The following HEXIM2 variants were observed in gnomAD, a reference collection of about 807,000 sequenced individuals.
The protein encoded by HEXIM2 is HEXIM P-TEFb complex subunit 2.
For missense variants in HEXIM2, 413 were observed against 390.8 expected (o/e 1.06, Z -0.48); for synonymous variants, 159 against 162.7 (o/e 0.98, Z 0.17).
intron 1 of HEXIM2, 127 bp from the exon 2 acceptor site, chr17:45,162,361 G>T: frequency 3.3e-6 from 2 of 608,344 alleles, no homozygotes; most frequent in South Asian, 4.4e-5. Flanking sequence ...ATGTTCTCCC[G>T]TGGCAGCAGC....
chr17:45,167,024 CAAAAAAA>C (rs58258565), intron 3 of HEXIM2, among the ~76,000 whole-genome samples: 5 of 67,912 alleles, frequency 7.4e-5, no homozygotes, highest in South Asian at 1.0e-3. Flanking sequence ...GACTCTGTCT[CAAAAAAA>C]AAAAAAAAAA....
At chr17:45,160,436 A>G (rs2042655910), upstream of HEXIM2, among the ~76,000 whole-genome samples, 1 of 152,134 alleles carries the variant, frequency 6.6e-6, no homozygotes, top group African/African-American at 2.4e-5. Context: ...TTTAAACTGG[A>G]AAGATTTTGT....
chr17:45,162,052 A>G, intron 1 of HEXIM2, 21 bp downstream of exon 1: 1 of 971,918 alleles, frequency 1.0e-6, no homozygotes, highest in Non-Finnish European at 1.2e-6. Context: ...CCTTTGCAAA[A>G]CCTCTTTCCA....
At chr17:45,166,971 G>A (rs1460474652) in intron 3 of HEXIM2, among the ~76,000 whole-genome samples, 1 of 148,874 alleles carries the variant, frequency 6.7e-6, no homozygotes, top group Admixed American at 6.8e-5. Flanking sequence ...GTTGCAGTGA[G>A]CTGAGGTCGG....
In HEXIM2 at chr17:45,169,343, T is replaced by A; in HGVS notation, c.395T>A (p.Phe132Tyr). 6.2e-7 allele frequency: 1 copy of A among 1,613,780 alleles called. No individual in the cohort carries two copies. The highest frequency in any genetic ancestry group is 8.5e-7 in the Non-Finnish European group (1 of 1,180,008). Residue 132 changes from phenylalanine (F) to tyrosine (Y), a missense_variant, in exon 4 of 4, where the codon TTC becomes TAC. Transcript: ENST00000589230. Reference sequence around the variant, plus strand: ...GCCTCCCGGGTCCGCGAAGAGATGTTCGCCAAAGGCCAGCCCGTGGCCCCC... The same window carrying A: ...GCCTCCCGGGTCCGCGAAGAGATGTACGCCAAAGGCCAGCCCGTGGCCCCC... ...QRASRVREEM[F>Y]AKGQPVAPYN...
At chr17:45,161,399 A>G (rs1462154988), upstream of HEXIM2, 10 of 187,592 alleles carry the variant, frequency 5.3e-5, no homozygotes, top group African/African-American at 2.1e-4. Context: ...CCGCCACTTC[A>G]GGTAGCCCAC....
At chr17:45,168,939 C>G in intron 3 of HEXIM2, 76 bp from the exon 4 acceptor site, 1 of 1,369,786 alleles carries the variant, frequency 7.3e-7, no homozygotes, top group Admixed American at 2.1e-5. Context: ...AGGCTTCAGG[C>G]TAGGTAGAGA....
chr17:45,167,192 G>A (rs1287926117), intron 3 of HEXIM2, among the ~76,000 whole-genome samples: 1 of 145,584 alleles, frequency 6.9e-6, no homozygotes, highest in East Asian at 2.1e-4. Context: ...CTGGCATGGT[G>A]GTACACGCCT....
Position 45,169,951 on chromosome 17 carries a change from A to T in HEXIM2, c.*142A>T. ...CCTGAGAACAGCTAAATCGGTTCAG[A>T]CTCCCACCTCACCGTTTCCATAGTT... On this transcript the variant is annotated 3_prime_UTR_variant, in exon 4 of 4. Coordinates refer to ENST00000589230, the MANE Select transcript of HEXIM2 (RefSeq NM_001303441.2). 3.4e-6 allele frequency: 2 copies of T among 579,974 alleles called. No homozygotes were observed. Among genetic ancestry groups the T allele is most frequent in the South Asian group, 3.8e-5 (1 of 26,284 alleles). The allele number at this position is 579,974 out of a possible 1,614,324, so 35.9% of individuals were successfully genotyped here.
intron 3 of HEXIM2, among the ~76,000 whole-genome samples, chr17:45,167,024 CAAAAA>C (rs58258565): frequency 1.5e-5 from 1 of 67,928 alleles, no homozygotes; most frequent in Non-Finnish European, 2.5e-5. Context: ...GACTCTGTCT[CAAAAA>C]AAAAAAAAAA....
chr17:45,162,567 C>T lies in HEXIM2; in HGVS notation c.-113C>T. 7.2e-7 allele frequency: 1 copy of T among 1,388,896 alleles called. No individual in the cohort carries two copies. The highest frequency in any genetic ancestry group is 2.8e-5 in the East Asian group (1 of 35,190). The allele number at this position is 1,388,896 out of a possible 1,614,324, so 86.0% of individuals were successfully genotyped here. On this transcript the variant is annotated 5_prime_UTR_variant, in exon 2 of 4. Transcript: ENST00000589230. ...AGACGGCCCCTGAATCCCATTTGGC[C>T]CCTTGCTGGCTGGAGGTGTGAAAAC... is the stretch of plus-strand genomic sequence containing the variant.
chr17:45,160,235 G>A (rs141148519), upstream of HEXIM2, among the ~76,000 whole-genome samples: 7 of 152,178 alleles, frequency 4.6e-5, no homozygotes, highest in East Asian at 1.4e-3. Context: ...TTCAAAGCAG[G>A]TCTCCTCATC....
chr17:45,164,721 G>A (rs2042793153), intron 3 of HEXIM2, among the ~76,000 whole-genome samples: 1 of 152,162 alleles, frequency 6.6e-6, no homozygotes, highest in Non-Finnish European at 1.5e-5. Flanking sequence ...GCCCTCAGAG[G>A]ATGGCACTTC....
Position 45,169,510 on chromosome 17 carries a change from T to C in HEXIM2, c.562T>C (p.Phe188Leu), listed in dbSNP as rs1235677428. The C allele has an allele frequency of 3.7e-6, 6 of 1,601,570 alleles. No homozygotes were observed. Among genetic ancestry groups the C allele is most frequent in the Non-Finnish European group, 4.3e-6 (5 of 1,175,222 alleles). Residue 188 changes from phenylalanine (F) to leucine (L), a missense_variant, in exon 4 of 4, where the codon TTC (phenylalanine) becomes CTC (leucine). Physicochemically the swap from Phe to Leu is conservative, Grantham distance 22 (BLOSUM62 0). Coordinates refer to ENST00000589230, the MANE Select transcript of HEXIM2 (RefSeq NM_001303441.2). ...TGGGCGGGGCCGAGCGCACGGTGAG[T>C]TCCAGCGGAAGGACTTCTCTGAGAC... ...SDGRGRAHGEFQRKDFSETYE... is the reference protein window; with the variant it reads ...SDGRGRAHGELQRKDFSETYE...
upstream of HEXIM2, chr17:45,160,786 G>A: frequency 5.3e-6 from 3 of 567,714 alleles, no homozygotes; most frequent in South Asian, 3.0e-5. Context: ...GATCTTGAGG[G>A]CAAGAGCCTC....
intron 3 of HEXIM2, among the ~76,000 whole-genome samples, chr17:45,164,067 A>T (rs564817591): frequency 2.0e-5 from 3 of 152,154 alleles, no homozygotes; most frequent in Non-Finnish European, 4.4e-5. Flanking sequence ...AAGCAGGAGA[A>T]TCACTTGAAC....
At position 45,169,873 on chromosome 17, in the gene HEXIM2, G is replaced by A; in HGVS notation, c.*64G>A. On this transcript the variant is annotated 3_prime_UTR_variant, in exon 4 of 4. Coordinates refer to ENST00000589230, the MANE Select transcript of HEXIM2 (RefSeq NM_001303441.2). ...CATTTCGTGCACACTCAGGCCAGCT[G>A]GGTCTCAAGGAGGCAGGTGGCAGAT... 1.5e-6 allele frequency: 2 copies of A among 1,357,326 alleles called. No homozygotes were observed. Among genetic ancestry groups the A allele is most frequent in the Non-Finnish European group, 1.9e-6 (2 of 1,042,014 alleles). The allele number at this position is 1,357,326 out of a possible 1,614,324, so 84.1% of individuals were successfully genotyped here. A position where few individuals can be genotyped will look rare whatever the true frequency, so the allele number is the denominator to read the frequency against.
chr17:45,160,849 T>C, upstream of HEXIM2: 1 of 1,223,898 alleles, frequency 8.2e-7, no homozygotes, highest in East Asian at 5.7e-5. Context: ...CCTCTCTAGC[T>C]GCTCCCAGGG....
At chr17:45,161,127 C>T, upstream of HEXIM2, 1 of 422,858 alleles carries the variant, frequency 2.4e-6, no homozygotes, top group Non-Finnish European at 4.6e-6. Flanking sequence ...ATACCCAGGC[C>T]GAATGGGGGT....
Sources: allele counts gnomAD v4.1 joint callset (sites outside exome capture counted in the v4.1 genomes callset), GRCh38; gene constraint gnomAD v4.1.1; transcripts MANE v1.5; gene names NCBI Gene and HGNC (gene_info 2026-07-23, HGNC 2026-07-21).